Variants in IL1RAPL2 observed in about 807,000 individuals in gnomAD.
IL1RAPL2 encodes the protein X-linked interleukin-1 receptor accessory protein-like 2.
IL1RAPL2 carries 3 observed loss-of-function variants against 44.1 expected under a neutral mutation model. The observed-to-expected ratio is 0.07, with a 90% CI of 0.03 to 0.18. The LOEUF (loss-of-function observed/expected upper bound fraction) is 0.18, where lower values mean the gene tolerates loss of function less well. Ranked by LOEUF, IL1RAPL2 falls within the 10% of genes least tolerant of loss-of-function variation. IL1RAPL2 has a pLI of 1.00. For synonymous variants in IL1RAPL2, 181 were observed against 178.8 expected, an observed-to-expected ratio of 1.01 and a Z score of -0.10; for missense variants, 391 against 496.4, an observed-to-expected ratio of 0.79 and a Z score of 2.02.
chrX:104,840,051 G>A (rs957333853), intron 2 of IL1RAPL2, among the ~76,000 whole-genome samples: 1 of 111,024 alleles, frequency 9.0e-6, no homozygotes, highest in Non-Finnish European at 1.9e-5. Flanking sequence ...TACTTTTTGT[G>A]TCTCTGTCCC....
intron 6 of IL1RAPL2, among the ~76,000 whole-genome samples, chrX:105,697,140 G>A (rs917257698): frequency 4.5e-5 from 5 of 110,227 alleles, no homozygotes; most frequent in Non-Finnish European, 7.6e-5. Context: ...TCATTACCAC[G>A]AGAATGGCAC....
chrX:105,709,279 G>A (rs79425038), intron 6 of IL1RAPL2, among the ~76,000 whole-genome samples: 1 of 111,906 alleles, frequency 8.9e-6, no homozygotes, highest in Non-Finnish European at 1.9e-5. Flanking sequence ...CAGAGGTTAA[G>A]GGATACACAG....
chrX:105,143,410 A>G (rs1385537504), intron 2 of IL1RAPL2, among the ~76,000 whole-genome samples: 1 of 112,228 alleles, frequency 8.9e-6, no homozygotes, highest in Non-Finnish European at 1.9e-5. Context: ...ATCTCACACC[A>G]GTTAGAATGG....
chrX:105,456,733 C>T (rs1400678210), intron 5 of IL1RAPL2, among the ~76,000 whole-genome samples: 1 of 110,811 alleles, frequency 9.0e-6, no homozygotes, highest in Non-Finnish European at 1.9e-5. Flanking sequence ...AGCTACATCC[C>T]ATCTATTGAT....
chrX:105,220,238 G>C (rs1556179426), intron 3 of IL1RAPL2: 2 of 1,211,812 alleles, frequency 1.7e-6, no homozygotes, highest in South Asian at 3.5e-5. Flanking sequence ...CTGTCCTCCA[G>C]TATGGCCCTC....
chrX:105,331,472 G>A (rs1420144190), intron 5 of IL1RAPL2, among the ~76,000 whole-genome samples: 1 of 111,472 alleles, frequency 9.0e-6, no homozygotes, highest in Non-Finnish European at 1.9e-5. Context: ...TCGTTACCAT[G>A]AACATTTAAA....
intron 6 of IL1RAPL2, among the ~76,000 whole-genome samples, chrX:105,588,167 A>G: frequency 9.0e-6 from 1 of 110,911 alleles, no homozygotes; most frequent in South Asian, 3.8e-4. Flanking sequence ...AATGTTCTGC[A>G]TCTTGATTGT....
chrX:105,423,105 C>T (rs1288726344), intron 5 of IL1RAPL2, among the ~76,000 whole-genome samples: 1 of 110,643 alleles, frequency 9.0e-6, no homozygotes, highest in African/African-American at 3.3e-5. Flanking sequence ...TAGGAGTTTC[C>T]CATTATTTTG....
In IL1RAPL2 at chrX:105,401,336, C is replaced by T. The variant is rs1488827411; in HGVS notation, c.698-82977C>T. On this transcript the variant is annotated intron_variant, in intron 5 of 10. Coordinates refer to ENST00000372582, the MANE Select transcript of IL1RAPL2 (RefSeq NM_017416.2). The stretch of plus-strand genomic sequence containing the variant: ...TTGGTTGACACTCAGGATCCTTAAG[C>T]AGAGTACAAATGATATATTTCATTT... Among the ~76,000 whole-genome samples, 3 of 111,303 alleles carry T rather than the reference C, an allele frequency of 2.7e-5. No individual in the cohort carries two copies. The Admixed American group carries it at 2.9e-4, about 11-fold the overall frequency.
intron 2 of IL1RAPL2, among the ~76,000 whole-genome samples, chrX:104,689,244 T>G (rs2147544861): frequency 8.9e-6 from 1 of 112,263 alleles, no homozygotes; most frequent in East Asian, 2.8e-4. Context: ...AATTGTGACC[T>G]ATGGAACAAA....
At chrX:104,633,010 G>A (rs1366867310) in intron 1 of IL1RAPL2, among the ~76,000 whole-genome samples, 17 of 111,405 alleles carry the variant, frequency 1.5e-4, no homozygotes, top group South Asian at 3.8e-4. Flanking sequence ...TTTGAGATAC[G>A]TCCCATCAAT....
At chrX:104,721,645 C>T (rs961749960) in intron 2 of IL1RAPL2, among the ~76,000 whole-genome samples, 4 of 110,389 alleles carry the variant, frequency 3.6e-5, no homozygotes, top group Non-Finnish European at 5.7e-5. Flanking sequence ...ACTGATGTAA[C>T]AAACCTGCAC....
At chrX:105,165,386 C>T (rs981224409) in intron 2 of IL1RAPL2, among the ~76,000 whole-genome samples, 2 of 111,406 alleles carry the variant, frequency 1.8e-5, no homozygotes, top group African/African-American at 6.5e-5. Context: ...TCTGATCTAC[C>T]TCCACATCAC....
chrX:105,590,813 T>TTGTGTGTGTGTGTGTG (rs199802193), intron 6 of IL1RAPL2, among the ~76,000 whole-genome samples: 5 of 97,197 alleles, frequency 5.1e-5, no homozygotes, highest in African/African-American at 2.0e-4. Context: ...TGGCCTGAAT[T>TTGTGTGTGTGTGTGTG]TGTGTGTGTG....
At chrX:105,687,587 C>A (rs1296632346) in intron 6 of IL1RAPL2, among the ~76,000 whole-genome samples, 1 of 110,780 alleles carries the variant, frequency 9.0e-6, no homozygotes, top group Non-Finnish European at 1.9e-5. Context: ...TAATAATAGC[C>A]TACCAACCAA....
intron 5 of IL1RAPL2, among the ~76,000 whole-genome samples, chrX:105,428,275 G>A (rs1313741931): frequency 4.5e-5 from 5 of 111,395 alleles, no homozygotes; most frequent in African/African-American, 1.6e-4. Context: ...AGACTCCAAG[G>A]GATACAAACA....
chrX:104,767,317 G>T (rs1043589164), intron 2 of IL1RAPL2, among the ~76,000 whole-genome samples: 42 of 111,876 alleles, frequency 3.8e-4, no homozygotes, highest in Middle Eastern at 4.6e-3. Context: ...TTGGCATAAT[G>T]ACTTTGACTA....
intron 10 of IL1RAPL2, among the ~76,000 whole-genome samples, chrX:105,759,648 A>G (rs1456549342): frequency 1.8e-5 from 2 of 112,324 alleles, no homozygotes; most frequent in Admixed American, 9.5e-5. Context: ...TTTAAGGGAA[A>G]AAGTATAATG....
intron 3 of IL1RAPL2, chrX:105,220,033 CG>C (rs782379757): frequency 8.3e-7 from 1 of 1,211,305 alleles, no homozygotes; most frequent in Non-Finnish European, 1.1e-6. Flanking sequence ...CGCCTCCTTG[CG>C]TTCCGTCTCC....
Sources: allele counts gnomAD v4.1 joint callset (sites outside exome capture counted in the v4.1 genomes callset), GRCh38; gene constraint gnomAD v4.1.1; transcripts MANE v1.5; gene names NCBI Gene and HGNC (gene_info 2026-07-23, HGNC 2026-07-21).